TRIM54: variants seen among roughly 807,000 people sequenced by gnomAD.
TRIM54 encodes tripartite motif containing 54.
In TRIM54, 40 loss-of-function variants were observed where a neutral mutation model predicts 42.0. The observed-to-expected ratio is 0.95, with a 90% CI of 0.74 to 1.24. The LOEUF is 1.24. TRIM54 is among the 50% of genes most tolerant of loss of function. The pLI is 0.00. For synonymous variants in TRIM54, 199 were observed against 194.9 expected (o/e 1.02, Z -0.17); for missense variants, 485 against 480.3 (o/e 1.01, Z -0.09).
intron 1 of TRIM54, among the ~76,000 whole-genome samples, chr2:27,283,694 T>C (rs1003280800): frequency 2.0e-5 from 3 of 151,430 alleles, no homozygotes; most frequent in African/African-American, 7.3e-5. Context: ...TTTTTTTTTT[T>C]CCTGTGCTAC....
At chr2:27,283,605 A>G (rs569912731) in intron 1 of TRIM54, among the ~76,000 whole-genome samples, 1 of 152,184 alleles carries the variant, frequency 6.6e-6, no homozygotes, top group South Asian at 2.1e-4. Context: ...AGCAGAGCTA[A>G]TCAAATTCAC....
At chr2:27,301,005 G>A (rs1276533412) in intron 3 of TRIM54, among the ~76,000 whole-genome samples, 1 of 152,128 alleles carries the variant, frequency 6.6e-6, no homozygotes, top group Admixed American at 6.6e-5. Flanking sequence ...CAGGGTTATT[G>A]GATCTCGCGC....
At chr2:27,285,958 G>GTGGC (rs1358037101) in intron 1 of TRIM54, among the ~76,000 whole-genome samples, 1 of 152,070 alleles carries the variant, frequency 6.6e-6, no homozygotes, top group African/African-American at 2.4e-5. Flanking sequence ...GCTACGTAAG[G>GTGGC]TGGCTCATGC....
chr2:27,284,394 G>A (rs1678499656), intron 1 of TRIM54, among the ~76,000 whole-genome samples: 2 of 152,286 alleles, frequency 1.3e-5, no homozygotes, highest in Admixed American at 1.3e-4. Context: ...CACCTTGTGT[G>A]TCTGCTCTGT....
In TRIM54 at chr2:27,306,581, T is replaced by C; in HGVS notation, c.*1+39T>C. ...GATGGGCCTTAAGGTGAGAGCGGCCTGAGGGGCTTGGGGTGGGGCCTGGCT... is the reference window on the plus strand; with the variant it reads ...GATGGGCCTTAAGGTGAGAGCGGCCCGAGGGGCTTGGGGTGGGGCCTGGCT... On this transcript the variant is annotated intron_variant, in intron 8 of 8. Coordinates refer to ENST00000380075, the MANE Select transcript of TRIM54 (RefSeq NM_187841.3). The surrounding 1 kb of genome is among the most constrained non-coding windows in gnomAD (Gnocchi z 6.1). 6.7e-7 allele frequency: 1 copy of C among 1,494,856 alleles called. No individual in the cohort carries two copies. Among genetic ancestry groups the C allele is most frequent in the Non-Finnish European group, 8.9e-7 (1 of 1,119,412 alleles). 92.6% of individuals were successfully genotyped at this position (1,494,856 alleles called of 1,614,324 possible).
intron 4 of TRIM54, 63 bp downstream of exon 4, chr2:27,305,117 A>C (rs1679158242): frequency 7.0e-7 from 1 of 1,424,540 alleles, no homozygotes; most frequent in Non-Finnish European, 9.8e-7. Flanking sequence ...CCGGGCTCCC[A>C]AGAGAACTGC....
Position 27,306,980 on chromosome 2 carries a change from C to A in TRIM54, c.*95C>A. On this transcript the variant is annotated 3_prime_UTR_variant, in exon 9 of 9. Transcript: ENST00000380075. This position sits in a 1 kb window ranked among gnomAD's most constrained non-coding sequence, Gnocchi z 6.1. ...GCATCACCCAAATCGGCGCCGGCCC[C>A]GGGAGGATCTCAATAAAGAACTCGA... 4.2e-6 allele frequency: 1 copy of A among 238,632 alleles called. No homozygotes were observed. The highest frequency in any genetic ancestry group is 8.2e-6 in the Non-Finnish European group (1 of 122,186). 14.8% of individuals were successfully genotyped at this position (238,632 alleles called of 1,614,324 possible). A position where few individuals can be genotyped will look rare whatever the true frequency, so the allele number is the denominator to read the frequency against.
chr2:27,287,692 T>TA lies in TRIM54; in HGVS notation c.168+4803dup, dbSNP rs376379382. 2.9e-3 allele frequency among the ~76,000 whole-genome samples: 430 copies of TA among 149,422 alleles called. 1 individual carries two copies. The highest frequency in any genetic ancestry group is 4.9e-3 in the Non-Finnish European group (326 of 67,188). On this transcript the variant is annotated intron_variant, in intron 1 of 8. Coordinates refer to ENST00000380075, the MANE Select transcript of TRIM54 (RefSeq NM_187841.3). ...GCATGTACCACCACACTCAGCTAAT[T>TA]AAAAAAAAAATGTTTTTGTACAGAC...
At chr2:27,299,684 C>G (rs1434034572) in intron 3 of TRIM54, 2 of 607,502 alleles carry the variant, frequency 3.3e-6, no homozygotes, top group South Asian at 4.0e-5. Context: ...CCCTATCTAT[C>G]TATCTATCTA....
chr2:27,292,666 CTT>C (rs1214781432), intron 1 of TRIM54, among the ~76,000 whole-genome samples: 6 of 152,070 alleles, frequency 3.9e-5, no homozygotes, highest in Admixed American at 2.6e-4. Flanking sequence ...ATCCCCAGAA[CTT>C]TATCACCACC....
rs1438824125 is a variant in TRIM54 at position 27,305,157 on chromosome 2, G to A, written c.609+103G>A. On this transcript the variant is annotated intron_variant, in intron 4 of 8. Coordinates refer to ENST00000380075, the MANE Select transcript of TRIM54 (RefSeq NM_187841.3). ...CTCTGACCTCTCGCCAAACTGGTCT[G>A]AAAGTTTCTGGGGTCCTGGGAGTGG... 1.2e-5 allele frequency: 13 copies of A among 1,045,980 alleles called. No homozygotes were observed. In the Admixed American group the frequency reaches 1.9e-4, roughly 15 times the overall value. The allele number at this position is 1,045,980 out of a possible 1,614,324, so 64.8% of individuals were successfully genotyped here. A position where few individuals can be genotyped will look rare whatever the true frequency, so the allele number is the denominator to read the frequency against.
At position 27,298,752 on chromosome 2, in the gene TRIM54, A is replaced by G; in HGVS notation, c.341+13A>G. On this transcript the variant is annotated intron_variant, in intron 2 of 8. Transcript: ENST00000380075. ...AGGAGTCATCCAGGTGAGCCACCAGAGTCTCTTGCCTCTCTCATGACAGGG... is the reference window on the plus strand; with the variant it reads ...AGGAGTCATCCAGGTGAGCCACCAGGGTCTCTTGCCTCTCTCATGACAGGG... 6.2e-7 allele frequency: 1 copy of G among 1,612,614 alleles called. No individual in the cohort carries two copies. The highest frequency in any genetic ancestry group is 8.5e-7 in the Non-Finnish European group (1 of 1,179,106).
Position 27,298,797 on chromosome 2 carries a change from A to C in TRIM54, c.341+58A>C, listed in dbSNP as rs910467824. Reference sequence around the variant, plus strand: ...ACAGGGCTTGGGACACAGCCAAGGAACCCATCAGAGCCAAAAGGGAGAGAT... The same window carrying C: ...ACAGGGCTTGGGACACAGCCAAGGACCCCATCAGAGCCAAAAGGGAGAGAT... On this transcript the variant is annotated intron_variant, in intron 2 of 8. Transcript: ENST00000380075. 82 of 1,566,934 alleles carry C rather than the reference A, an allele frequency of 5.2e-5. 1 individual carries two copies. Among genetic ancestry groups the C allele is most frequent in the Non-Finnish European group, 6.4e-5 (73 of 1,147,380 alleles).
chr2:27,288,706 C>T (rs1321241860), intron 1 of TRIM54, among the ~76,000 whole-genome samples: 4 of 152,088 alleles, frequency 2.6e-5, no homozygotes, highest in East Asian at 1.9e-4. Flanking sequence ...TGAGTTAGAT[C>T]GAATGGATGT....
At position 27,296,750 on chromosome 2, in the gene TRIM54, T is replaced by G. The variant is rs576750068; in HGVS notation, c.169-1817T>G. On this transcript the variant is annotated intron_variant, in intron 1 of 8. Transcript: ENST00000380075. The stretch of plus-strand genomic sequence containing the variant: ...CACCCAGCTGGAAGGGAGGCTTAGA[T>G]TCATGGGTTTTTTGGTTTGTTTTTT... Among the ~76,000 whole-genome samples, 17 of 152,156 alleles carry G rather than the reference T, an allele frequency of 1.1e-4. No homozygotes were observed. The South Asian group carries it at 3.5e-3, about 32-fold the overall frequency.
intron 1 of TRIM54, among the ~76,000 whole-genome samples, chr2:27,294,889 C>CAAAA (rs57097129): frequency 1.9e-5 from 1 of 52,824 alleles, no homozygotes; most frequent in Non-Finnish European, 3.6e-5. Context: ...GACTCCATCT[C>CAAAA]AAAAAAAAAA....
At chr2:27,288,130 C>T (rs939662382) in intron 1 of TRIM54, among the ~76,000 whole-genome samples, 2 of 152,234 alleles carry the variant, frequency 1.3e-5, no homozygotes, top group African/African-American at 4.8e-5. Flanking sequence ...CAGCTTTTCT[C>T]CAAATGTCTG....
rs367895065 is a variant in TRIM54 at position 27,306,059 on chromosome 2, C to G, written c.844-21C>G. ...CAGGTTGGCCCAGTGCTTACTCTCA[C>G]CCTCCTTTTCTTCCCTGCAGCAGGC... On this transcript the variant is annotated intron_variant, in intron 5 of 8. Coordinates refer to ENST00000380075, the MANE Select transcript of TRIM54 (RefSeq NM_187841.3). The surrounding 1 kb of genome is among the most constrained non-coding windows in gnomAD (Gnocchi z 6.1). The G allele has an allele frequency of 1.2e-6, 2 of 1,613,590 alleles. No homozygotes were observed. The highest frequency in any genetic ancestry group is 1.3e-5 in the African/African-American group (1 of 75,052).
chr2:27,283,101 C>T (rs2148184856), intron 1 of TRIM54, among the ~76,000 whole-genome samples: 1 of 152,216 alleles, frequency 6.6e-6, no homozygotes, highest in East Asian at 1.9e-4. Context: ...TGCAGGCTGG[C>T]AGGTACAGCC....
Sources: gnomAD v4.1 joint callset for allele counts (sites outside exome capture counted in the v4.1 genomes callset) on GRCh38, gnomAD v4.1.1 for gene constraint, Gnocchi (gnomAD v3.1) non-coding constraint, MANE v1.5 for transcripts, NCBI Gene and HGNC (gene_info 2026-07-23, HGNC 2026-07-21) for gene names.